DPYS: variants seen among roughly 807,000 people sequenced by gnomAD.
The protein encoded by DPYS is dihydropyrimidine amidohydrolase.
A neutral mutation model predicts 50.3 loss-of-function variants in DPYS; 39 were observed. That is an observed-to-expected ratio of 0.78 (90% CI 0.60 to 1.01). DPYS has a LOEUF of 1.01. Among genes scored for constraint, DPYS ranks in the 50% least tolerant of loss-of-function variants. The pLI is 0.00. For missense variants in DPYS, 659 were observed against 680.9 expected (o/e 0.97, Z 0.36); for synonymous variants, 245 against 250.7 (o/e 0.98, Z 0.22).
At chr8:104,461,154 A>G (rs1048966347) in intron 1 of DPYS, among the ~76,000 whole-genome samples, 1 of 150,514 alleles carries the variant, frequency 6.6e-6, no homozygotes, top group Non-Finnish European at 1.5e-5. Flanking sequence ...TTAGCTGGGC[A>G]TGGTGGCGTG....
At chr8:104,406,722 G>A (rs1268631122) in intron 7 of DPYS, among the ~76,000 whole-genome samples, 8 of 152,226 alleles carry the variant, frequency 5.3e-5, no homozygotes, top group Admixed American at 1.3e-4. Context: ...CAGTAGCCTT[G>A]CAGAGAGTCC....
chr8:104,411,460 C>T (rs1812172896), intron 7 of DPYS, among the ~76,000 whole-genome samples: 2 of 152,068 alleles, frequency 1.3e-5, no homozygotes, highest in South Asian at 4.1e-4. Flanking sequence ...AGAACATTTC[C>T]CTTCTCTGGT....
intron 4 of DPYS, among the ~76,000 whole-genome samples, chr8:104,438,998 A>T (rs1352009111): frequency 6.6e-6 from 1 of 151,632 alleles, no homozygotes; most frequent in Non-Finnish European, 1.5e-5. Context: ...GAGCCCAGGA[A>T]ATTGAGGCTA....
chr8:104,415,318 T>G (rs1812328079), intron 7 of DPYS, among the ~76,000 whole-genome samples: 1 of 152,226 alleles, frequency 6.6e-6, no homozygotes, highest in Non-Finnish European at 1.5e-5. Context: ...ATGCTAATGC[T>G]GAAAATAAAC....
intron 6 of DPYS, among the ~76,000 whole-genome samples, chr8:104,425,771 A>G (rs189834205): frequency 9.2e-5 from 14 of 152,306 alleles, no homozygotes; most frequent in African/African-American, 2.2e-4. Context: ...CTAAAATAAA[A>G]TTGGAAAGTG....
chr8:104,406,706 T>C (rs1046263332), intron 7 of DPYS, among the ~76,000 whole-genome samples: 4 of 152,220 alleles, frequency 2.6e-5, no homozygotes, highest in African/African-American at 2.4e-5. Flanking sequence ...GCATCAGACA[T>C]GAAGGCAGTA....
At chr8:104,416,332 T>A (rs1326669748) in intron 7 of DPYS, among the ~76,000 whole-genome samples, 1 of 152,214 alleles carries the variant, frequency 6.6e-6, no homozygotes, top group Non-Finnish European at 1.5e-5. Flanking sequence ...CACATATATC[T>A]GTGGTAACTA....
intron 6 of DPYS, among the ~76,000 whole-genome samples, chr8:104,427,157 C>T (rs1812753930): frequency 6.9e-6 from 1 of 144,948 alleles, no homozygotes; most frequent in Non-Finnish European, 1.5e-5. Flanking sequence ...GCCAAGATTG[C>T]ACCACTGCAC....
intron 7 of DPYS, among the ~76,000 whole-genome samples, chr8:104,410,971 TC>T (rs1812154780): frequency 6.6e-6 from 1 of 152,068 alleles, no homozygotes; most frequent in Admixed American, 6.6e-5. Context: ...CCCAAACCAG[TC>T]ATCTGTGAAG....
At chr8:104,423,857 T>C in intron 7 of DPYS, 1 of 602,984 alleles carries the variant, frequency 1.7e-6, no homozygotes. Flanking sequence ...GGAATTTTTC[T>C]ATCTGAAAGC....
chr8:104,424,643 A>G (rs1564096382), intron 6 of DPYS, among the ~76,000 whole-genome samples: 1 of 152,186 alleles, frequency 6.6e-6, no homozygotes, highest in Non-Finnish European at 1.5e-5. Context: ...CTTCCCATTC[A>G]TCCTAGAATC....
intron 4 of DPYS, 35 bp downstream of exon 4, chr8:104,444,213 A>G (rs533801309): frequency 6.2e-7 from 1 of 1,611,868 alleles, no homozygotes; most frequent in East Asian, 2.2e-5. Flanking sequence ...TTCAGCTAAC[A>G]CTGAGTTCTA....
chr8:104,410,259 A>G (rs1222305380), intron 7 of DPYS, among the ~76,000 whole-genome samples: 9 of 151,980 alleles, frequency 5.9e-5, no homozygotes, highest in Non-Finnish European at 1.3e-4. Flanking sequence ...CCCTCCGGCC[A>G]GACTCCTACA....
chr8:104,402,680 C>T (rs919416848), intron 7 of DPYS, among the ~76,000 whole-genome samples: 3 of 152,162 alleles, frequency 2.0e-5, no homozygotes, highest in African/African-American at 7.2e-5. Context: ...AAAACTCACA[C>T]AACATCCTTC....
At chr8:104,399,510 G>A (rs1400079099) in intron 7 of DPYS, among the ~76,000 whole-genome samples, 2 of 151,998 alleles carry the variant, frequency 1.3e-5, no homozygotes, top group African/African-American at 4.8e-5. Context: ...CAAGAACTGT[G>A]GTTTGGCCCC....
chr8:104,454,520 C>T (rs1160593918), intron 1 of DPYS, among the ~76,000 whole-genome samples: 2 of 152,174 alleles, frequency 1.3e-5, no homozygotes, highest in Admixed American at 6.5e-5. Context: ...ATTCTATCTC[C>T]ACAAAACCAG....
intron 7 of DPYS, chr8:104,420,847 A>C (rs1257955014): frequency 6.6e-6 from 1 of 152,250 alleles, no homozygotes; most frequent in Non-Finnish European, 1.5e-5. Flanking sequence ...ACATCTAAAA[A>C]TGAAAATGTC....
rs182827780 is a variant in DPYS, at chr8:104,409,544, G to A, written c.1235+14703C>T. On this transcript the variant is annotated intron_variant, in intron 7 of 9. Transcript: ENST00000351513. ...AAACTAAATATGCAGGACAGGAAAT[G>A]TATAAACAAGGATGAAACTGTGATT... Among the ~76,000 whole-genome samples, 310 of 152,202 alleles carry A rather than the reference G, an allele frequency of 2.0e-3. 1 individual carries two copies. Among genetic ancestry groups the A allele is most frequent in the African/African-American group, 5.6e-3 (231 of 41,556 alleles).
At chr8:104,394,764 AT>A (rs1466159355) in intron 7 of DPYS, among the ~76,000 whole-genome samples, 1 of 150,418 alleles carries the variant, frequency 6.6e-6, no homozygotes, top group African/African-American at 2.5e-5. Context: ...GATGATAATA[AT>A]AAAAAATAAA....
Sources: gnomAD v4.1 joint callset for allele counts (sites outside exome capture counted in the v4.1 genomes callset) on GRCh38, gnomAD v4.1.1 for gene constraint, MANE v1.5 for transcripts, NCBI Gene and HGNC (gene_info 2026-07-23, HGNC 2026-07-21) for gene names.